The following OXR1 variants were observed in gnomAD, a reference collection of about 807,000 sequenced individuals.
The protein encoded by OXR1 is oxidation resistance protein 1.
In OXR1, 41 loss-of-function variants were observed where a neutral mutation model predicts 104.6. The observed-to-expected ratio is 0.39, with a 90% CI of 0.31 to 0.51. The LOEUF (loss-of-function observed/expected upper bound fraction) is 0.51. OXR1 is among the 20% of genes least tolerant of loss of function. OXR1 has a pLI of 0.77. For missense variants in OXR1, 955 were observed against 1,031.9 expected (o/e 0.93, Z 1.02); for synonymous variants, 348 against 348.4 (o/e 1.00, Z 0.01).
chr8:106,318,369 G>A (rs999857654), intron 1 of OXR1, among the ~76,000 whole-genome samples: 3 of 134,956 alleles, frequency 2.2e-5, no homozygotes, highest in Admixed American at 1.6e-4. Context: ...CAAAGTCATG[G>A]TAATCTCTTC....
intron 15 of OXR1, among the ~76,000 whole-genome samples, chr8:106,743,304 G>A (rs929065309): frequency 7.9e-5 from 12 of 152,064 alleles, no homozygotes; most frequent in African/African-American, 2.9e-4. Flanking sequence ...CAGAGAAAAA[G>A]GAATGTTTTA....
chr8:106,339,108 A>G (rs1815086198), intron 1 of OXR1, among the ~76,000 whole-genome samples: 1 of 152,126 alleles, frequency 6.6e-6, no homozygotes, highest in South Asian at 2.1e-4. Context: ...ACATACTTAC[A>G]TACTTTTGTG....
At chr8:106,276,610 C>G (rs1812049472) in intron 1 of OXR1, among the ~76,000 whole-genome samples, 1 of 152,122 alleles carries the variant, frequency 6.6e-6, no homozygotes, top group South Asian at 2.1e-4. Flanking sequence ...TTACAGTTTT[C>G]AAAATCTCCA....
intron 2 of OXR1, among the ~76,000 whole-genome samples, chr8:106,477,759 T>A (rs1821885476): frequency 6.6e-6 from 1 of 151,982 alleles, no homozygotes; most frequent in Non-Finnish European, 1.5e-5. Flanking sequence ...TTCAAATCCA[T>A]GTTGTTCAAA....
chr8:106,350,031 T>G (rs949352581), intron 1 of OXR1, among the ~76,000 whole-genome samples: 6 of 152,082 alleles, frequency 3.9e-5, no homozygotes, highest in Admixed American at 2.0e-4. Flanking sequence ...CATTTGTGAA[T>G]ACAGGGAAGA....
chr8:106,652,610 C>A (rs1343465261), intron 3 of OXR1, among the ~76,000 whole-genome samples: 5 of 146,616 alleles, frequency 3.4e-5, no homozygotes, highest in African/African-American at 1.0e-4. Context: ...TGGGACAGAA[C>A]TAATGAGGTA....
intron 7 of OXR1, among the ~76,000 whole-genome samples, chr8:106,693,530 A>G (rs1350193343): frequency 6.6e-6 from 1 of 150,826 alleles, no homozygotes; most frequent in Non-Finnish European, 1.5e-5. Flanking sequence ...CCTGGGTTCA[A>G]GCAATTCTCC....
At chr8:106,323,826 G>T (rs1418077335) in intron 1 of OXR1, among the ~76,000 whole-genome samples, 1 of 152,144 alleles carries the variant, frequency 6.6e-6, no homozygotes, top group Non-Finnish European at 1.5e-5. Flanking sequence ...TCTCATGCCA[G>T]TCAGAGTGGC....
At chr8:106,697,422 G>C in intron 7 of OXR1, 1 of 1,485,124 alleles carries the variant, frequency 6.7e-7, no homozygotes. Flanking sequence ...CCTGGGGTGG[G>C]ATCAAAGGAT....
intron 3 of OXR1, among the ~76,000 whole-genome samples, chr8:106,547,538 G>A (rs1245478926): frequency 7.1e-6 from 1 of 140,244 alleles, no homozygotes; most frequent in Non-Finnish European, 1.5e-5. Flanking sequence ...CTGTTGCCCA[G>A]GCTGGAATGC....
At chr8:106,733,883 C>A (rs928292607) in intron 11 of OXR1, among the ~76,000 whole-genome samples, 2 of 151,574 alleles carry the variant, frequency 1.3e-5, no homozygotes, top group Admixed American at 1.3e-4. Context: ...GCTCCCTCCC[C>A]TCTTCCTTCC....
At chr8:106,650,160 C>T (rs1824442635) in intron 3 of OXR1, among the ~76,000 whole-genome samples, 1 of 152,174 alleles carries the variant, frequency 6.6e-6, no homozygotes. Context: ...TTATAGCTCA[C>T]ATTTACCAAG....
chr8:106,662,242 G>A (rs1412629561), intron 3 of OXR1, among the ~76,000 whole-genome samples: 1 of 152,118 alleles, frequency 6.6e-6, no homozygotes, highest in Non-Finnish European at 1.5e-5. Context: ...ATATGTTACT[G>A]GTATGTGTGT....
At chr8:106,738,083 A>G (rs575549070) in intron 12 of OXR1, among the ~76,000 whole-genome samples, 1 of 152,320 alleles carries the variant, frequency 6.6e-6, no homozygotes, top group South Asian at 2.1e-4. Context: ...TATTAGGAGT[A>G]CATTGGAATA....
At chr8:106,275,798 C>G (rs1812014252) in intron 1 of OXR1, among the ~76,000 whole-genome samples, 1 of 152,150 alleles carries the variant, frequency 6.6e-6, no homozygotes, top group South Asian at 2.1e-4. Flanking sequence ...AACACACACA[C>G]ACACACAGAG....
rs550355436 is a variant in OXR1, at chr8:106,597,007, C to T, written c.220+77868C>T. On this transcript the variant is annotated intron_variant, in intron 3 of 16. Coordinates refer to ENST00000517566, the MANE Select transcript of OXR1 (RefSeq NM_001198533.2). ...GGCGGAGGCTGCAGTGAGCTGAGATCGCACCACTGCACTCCAGCCTGGGGA... is the reference window on the plus strand; with the variant it reads ...GGCGGAGGCTGCAGTGAGCTGAGATTGCACCACTGCACTCCAGCCTGGGGA... Among the ~76,000 whole-genome samples, 10 of 152,088 alleles carry T rather than the reference C, an allele frequency of 6.6e-5. No homozygotes were observed. The South Asian group carries it at 1.2e-3, about 19-fold the overall frequency.
intron 2 of OXR1, among the ~76,000 whole-genome samples, chr8:106,493,512 A>G (rs1389841304): frequency 6.3e-4 from 2 of 3,188 alleles, no homozygotes; most frequent in Non-Finnish European, 1.1e-3. Flanking sequence ...GGCCCCAGGA[A>G]TAAGCAGTGT....
rs572292051 is a variant in OXR1 at position 106,649,696 on chromosome 8, T to A, written c.221-29514T>A. 1.3e-3 allele frequency among the ~76,000 whole-genome samples: 202 copies of A among 150,082 alleles called. 3 individuals are homozygous for A. The highest frequency in any genetic ancestry group is 3.7e-3 in the African/African-American group (152 of 41,020). Reference sequence around the variant, plus strand: ...TAAAATTCTAAATATCTGTCAAAAATATATATATATATATACTTGAGATGG... The same window carrying A: ...TAAAATTCTAAATATCTGTCAAAAAAATATATATATATATACTTGAGATGG... On this transcript the variant is annotated intron_variant, in intron 3 of 16. Transcript: ENST00000517566.
chr8:106,574,757 C>T (rs192201550), intron 3 of OXR1, among the ~76,000 whole-genome samples: 212 of 152,342 alleles, frequency 1.4e-3, no homozygotes, highest in African/African-American at 4.8e-3. Context: ...GATTCTTATA[C>T]ACTTATGAAA....
Sources: allele counts gnomAD v4.1 joint callset (sites outside exome capture counted in the v4.1 genomes callset), GRCh38; gene constraint gnomAD v4.1.1; transcripts MANE v1.5; gene names NCBI Gene and HGNC (gene_info 2026-07-23, HGNC 2026-07-21).